The following SLC1A2 variants were observed in gnomAD, a reference collection of about 807,000 sequenced individuals.
SLC1A2 encodes excitatory amino acid transporter 2.
Under a neutral mutation model 48.8 loss-of-function variants are expected in SLC1A2, and 15 were observed. The observed-to-expected ratio is 0.31, with a 90% CI of 0.21 to 0.47. SLC1A2 has a LOEUF of 0.47. Among genes scored for constraint, SLC1A2 ranks in the 20% least tolerant of loss-of-function variants. The pLI is 0.99. For missense variants in SLC1A2, 502 were observed against 730.5 expected, an observed-to-expected ratio of 0.69 and a Z score of 3.61; for synonymous variants, 279 against 272.6, an observed-to-expected ratio of 1.02 and a Z score of -0.23.
intron 1 of SLC1A2, among the ~76,000 whole-genome samples, chr11:35,332,285 G>A (rs555412773): frequency 5.9e-5 from 9 of 152,244 alleles, no homozygotes; most frequent in East Asian, 5.8e-4. Flanking sequence ...GTTGGCTACC[G>A]GGTCATCAAC....
chr11:35,409,492 T>C (rs1855395182), intron 1 of SLC1A2, among the ~76,000 whole-genome samples: 2 of 152,204 alleles, frequency 1.3e-5, no homozygotes, highest in African/African-American at 4.8e-5. Context: ...AACTAATTTC[T>C]CTCTCTATAG....
intron 4 of SLC1A2, 166 bp downstream of exon 4, chr11:35,312,031 TC>T: frequency 1.9e-6 from 1 of 537,662 alleles, no homozygotes; most frequent in Non-Finnish European, 3.2e-6. Context: ...GAGACTCCAA[TC>T]CCAAGATCCT....
chr11:35,415,507 C>T (rs1855578579), intron 1 of SLC1A2, among the ~76,000 whole-genome samples: 1 of 152,222 alleles, frequency 6.6e-6, no homozygotes, highest in Admixed American at 6.5e-5. Flanking sequence ...CTGCAAACCC[C>T]TCTAGACCAT....
chr11:35,359,245 T>G (rs1437692251), intron 1 of SLC1A2, among the ~76,000 whole-genome samples: 1 of 152,222 alleles, frequency 6.6e-6, no homozygotes, highest in African/African-American at 2.4e-5. Context: ...ACACTAACAT[T>G]AGAACCTGTA....
chr11:35,284,635 A>G (rs1850753245), intron 8 of SLC1A2, among the ~76,000 whole-genome samples: 1 of 152,186 alleles, frequency 6.6e-6, no homozygotes, highest in African/African-American at 2.4e-5. Flanking sequence ...ACTCAGATGC[A>G]TATGGGATAT....
At position 35,363,693 on chromosome 11, in the gene SLC1A2, A is replaced by G. The variant is rs547295344; in HGVS notation, c.18-46177T>C. On this transcript the variant is annotated intron_variant, in intron 1 of 10. Transcript: ENST00000278379. ...TTATGTCCATCTTCTTGATGAGGCA[A>G]AGAGAGAGAAAATAACTTGCTCCAG... Among the ~76,000 whole-genome samples the G allele has an allele frequency of 1.8e-4, 28 of 152,246 alleles. 1 individual carries two copies. In the South Asian group the frequency reaches 4.1e-3, roughly 23 times the overall value.
chr11:35,312,151 A>G (rs1851727657), intron 4 of SLC1A2, 47 bp downstream of exon 4: 1 of 1,597,522 alleles, frequency 6.3e-7, no homozygotes, highest in East Asian at 2.2e-5. Context: ...TATCGCCTTG[A>G]TAACTTAGAG....
At position 35,286,747 on chromosome 11, in the gene SLC1A2, CCCT is replaced by C. The variant is rs1850834249; in HGVS notation, c.1286+7_1286+9del. ...AGAGGTTGTTTTGTGTTTTACCCCA[CCCT>C]TCTCACCTTACAGTCACAATCTGTC... On this transcript the variant is annotated splice_region_variant and intron_variant, in intron 8 of 10. Transcript: ENST00000278379. The C allele has an allele frequency of 5.6e-6, 9 of 1,603,514 alleles. No homozygotes were observed. The highest frequency in any genetic ancestry group is 7.7e-6 in the Non-Finnish European group (9 of 1,173,336).
intron 1 of SLC1A2, among the ~76,000 whole-genome samples, chr11:35,328,573 C>G (rs1299304379): frequency 1.3e-5 from 2 of 152,178 alleles, no homozygotes; most frequent in Non-Finnish European, 2.9e-5. Context: ...GGATTTGATC[C>G]CTGTCAGTCC....
At chr11:35,326,595 T>C (rs942659850) in intron 1 of SLC1A2, among the ~76,000 whole-genome samples, 1 of 152,242 alleles carries the variant, frequency 6.6e-6, no homozygotes, top group African/African-American at 2.4e-5. Flanking sequence ...TGTCTCTTTT[T>C]TCTTCCTTCT....
intron 6 of SLC1A2, 128 bp downstream of exon 6, chr11:35,301,391 A>C: frequency 2.5e-6 from 2 of 805,478 alleles, no homozygotes; most frequent in South Asian, 3.7e-5. Flanking sequence ...TCCCTTTCTC[A>C]AAGTCTTTCT....
At chr11:35,397,030 G>A (rs889403603) in intron 1 of SLC1A2, among the ~76,000 whole-genome samples, 3 of 149,492 alleles carry the variant, frequency 2.0e-5, no homozygotes, top group African/African-American at 7.4e-5. Context: ...AATAAAAGAG[G>A]ATACAAACAA....
intron 1 of SLC1A2, chr11:35,399,540 T>G: frequency 1.1e-5 from 10 of 906,954 alleles, no homozygotes; most frequent in Non-Finnish European, 1.3e-5. Flanking sequence ...ATGGTGGGTC[T>G]TGAGACAAGA....
chr11:35,414,758 A>G (rs1855561470), intron 1 of SLC1A2, among the ~76,000 whole-genome samples: 1 of 152,246 alleles, frequency 6.6e-6, no homozygotes, highest in Admixed American at 6.5e-5. Flanking sequence ...CTAAAATTTT[A>G]TCTTCAGAAT....
chr11:35,374,397 C>CTAGA, intron 1 of SLC1A2: 1 of 560,468 alleles, frequency 1.8e-6, no homozygotes, highest in Non-Finnish European at 3.3e-6. Flanking sequence ...CTCCCTAGAT[C>CTAGA]TGGTCACCTG....
At chr11:35,353,461 C>T (rs1024361672) in intron 1 of SLC1A2, among the ~76,000 whole-genome samples, 4 of 152,194 alleles carry the variant, frequency 2.6e-5, no homozygotes, top group African/African-American at 9.6e-5. Context: ...GGATGTGCAT[C>T]ATCCCCCACT....
intron 1 of SLC1A2, among the ~76,000 whole-genome samples, chr11:35,399,241 C>G (rs1764899322): frequency 6.6e-6 from 1 of 152,096 alleles, no homozygotes; most frequent in Admixed American, 6.6e-5. Context: ...CCTCTTTATC[C>G]CTAAGGAAGT....
intron 1 of SLC1A2, among the ~76,000 whole-genome samples, chr11:35,381,297 T>C (rs1293706532): frequency 6.6e-6 from 1 of 152,156 alleles, no homozygotes; most frequent in African/African-American, 2.4e-5. Flanking sequence ...TCTCTGGGCC[T>C]CTTCCTAGAA....
intron 9 of SLC1A2, among the ~76,000 whole-genome samples, chr11:35,277,509 T>A (rs1425271985): frequency 6.6e-6 from 1 of 152,190 alleles, no homozygotes; most frequent in Non-Finnish European, 1.5e-5. Flanking sequence ...ATTAGTGCAT[T>A]TTTTTCCACT....
Sources: allele counts gnomAD v4.1 joint callset (sites outside exome capture counted in the v4.1 genomes callset), GRCh38; gene constraint gnomAD v4.1.1; transcripts MANE v1.5; gene names NCBI Gene and HGNC (gene_info 2026-07-23, HGNC 2026-07-21).